The following LIN52 variants were observed in gnomAD, a reference collection of about 807,000 sequenced individuals.
LIN52 encodes the protein protein lin-52 homolog.
In LIN52, 4 loss-of-function variants were observed where a neutral mutation model predicts 18.5. The ratio of observed to expected loss-of-function variants is 0.22; its 90% CI spans 0.11 to 0.49. The LOEUF (loss-of-function observed/expected upper bound fraction) is 0.49. Ranked by LOEUF, LIN52 falls within the 20% of genes least tolerant of loss-of-function variation. The pLI is 0.97. For synonymous variants in LIN52, 34 were observed against 45.5 expected (o/e 0.75, Z 1.02); for missense variants, 102 against 139.5 (o/e 0.73, Z 1.35).
chr14:74,101,975 A>G (rs1595151655), intron 5 of LIN52, among the ~76,000 whole-genome samples: 1 of 151,980 alleles, frequency 6.6e-6, no homozygotes, highest in African/African-American at 2.4e-5. Flanking sequence ...GAGTCTCACT[A>G]TATTGCCCAG....
intron 5 of LIN52, among the ~76,000 whole-genome samples, chr14:74,127,216 G>T (rs1271711113): frequency 1.3e-5 from 2 of 152,186 alleles, no homozygotes; most frequent in Non-Finnish European, 2.9e-5. Context: ...AGTAGATAAG[G>T]CCTTACACAA....
At chr14:74,197,099 C>G (rs1161433905) in intron 5 of LIN52, among the ~76,000 whole-genome samples, 4 of 152,152 alleles carry the variant, frequency 2.6e-5, no homozygotes, top group Admixed American at 2.0e-4. Context: ...ATAAGCAAGG[C>G]ACATTTAAAA....
chr14:74,180,366 C>A (rs1296443880), intron 5 of LIN52, among the ~76,000 whole-genome samples: 2 of 150,312 alleles, frequency 1.3e-5, no homozygotes, highest in Admixed American at 1.3e-4. Flanking sequence ...CCCGGGTTCA[C>A]GCCATTCTCC....
intron 2 of LIN52, among the ~76,000 whole-genome samples, chr14:74,092,885 C>T (rs68123811): frequency 0.11 from 16,942 of 151,530 alleles, 1,247 homozygotes; most frequent in Admixed American, 0.19. Flanking sequence ...CTATTGCACT[C>T]GAGCCTGGGC....
At chr14:74,135,312 G>A (rs1028525695) in intron 5 of LIN52, among the ~76,000 whole-genome samples, 10 of 152,082 alleles carry the variant, frequency 6.6e-5, no homozygotes, top group Non-Finnish European at 2.9e-5. Context: ...TTCTGCCCGC[G>A]TTGGCCTCCC....
At chr14:74,174,272 G>A (rs776840539) in intron 5 of LIN52, among the ~76,000 whole-genome samples, 2 of 152,114 alleles carry the variant, frequency 1.3e-5, no homozygotes, top group Non-Finnish European at 2.9e-5. Flanking sequence ...ACATCATAGT[G>A]TGTTCTTACA....
At chr14:74,194,075 C>T (rs1443609094) in intron 5 of LIN52, among the ~76,000 whole-genome samples, 1 of 152,172 alleles carries the variant, frequency 6.6e-6, no homozygotes, top group East Asian at 1.9e-4. Context: ...GCAATTGCCT[C>T]AAAGTTATAA....
chr14:74,136,188 A>G (rs2061096837), intron 5 of LIN52, among the ~76,000 whole-genome samples: 1 of 152,174 alleles, frequency 6.6e-6, no homozygotes, highest in Non-Finnish European at 1.5e-5. Context: ...TAGGACCTTA[A>G]ATTTTTTTCT....
intron 1 of LIN52, among the ~76,000 whole-genome samples, chr14:74,087,955 A>G (rs543901825): frequency 2.6e-5 from 4 of 152,072 alleles, no homozygotes; most frequent in Admixed American, 6.6e-5. Flanking sequence ...CTCTCACTCT[A>G]TTGCCCATGC....
At chr14:74,097,916 C>A in intron 4 of LIN52, 56 bp downstream of exon 4, 2 of 1,305,120 alleles carry the variant, frequency 1.5e-6, no homozygotes, top group Non-Finnish European at 2.2e-6. Context: ...CCATAGACCA[C>A]CTCTCTATTT....
rs1429963403 is a variant in LIN52, at chr14:74,199,570, C to T, written c.*593C>T. On this transcript the variant is annotated 3_prime_UTR_variant, in exon 6 of 6. Transcript: ENST00000555028. ...AAACTTCTATACCTCTTATGATAGT[C>T]CCATTTGCTTTTCATTCCTTACTTC... 3.3e-5 allele frequency: 5 copies of T among 152,130 alleles called. No individual in the cohort carries two copies. The highest frequency in any genetic ancestry group is 6.5e-5 in the Admixed American group (1 of 15,268). 9.4% of individuals were successfully genotyped at this position (152,130 alleles called of 1,614,324 possible).
chr14:74,098,155 AT>A (rs2060828108), intron 4 of LIN52, among the ~76,000 whole-genome samples: 1 of 152,140 alleles, frequency 6.6e-6, no homozygotes, highest in Non-Finnish European at 1.5e-5. Flanking sequence ...AAATTTTTTC[AT>A]TTAATTCCCA....
chr14:74,196,740 C>T (rs1335757159), intron 5 of LIN52, among the ~76,000 whole-genome samples: 4 of 152,040 alleles, frequency 2.6e-5, no homozygotes, highest in African/African-American at 7.2e-5. Flanking sequence ...ATACTAAGTG[C>T]GAGAGAACTT....
At chr14:74,145,041 G>A (rs1486335119) in intron 5 of LIN52, among the ~76,000 whole-genome samples, 3 of 152,190 alleles carry the variant, frequency 2.0e-5, no homozygotes, top group Non-Finnish European at 4.4e-5. Flanking sequence ...GGGAACCTTT[G>A]TGAAGTGATC....
chr14:74,087,211 C>G (rs552727555), intron 1 of LIN52, among the ~76,000 whole-genome samples: 1 of 151,756 alleles, frequency 6.6e-6, no homozygotes, highest in Non-Finnish European at 1.5e-5. Flanking sequence ...GTCAGGAGAT[C>G]GAGACCATCC....
At chr14:74,179,449 C>T (rs572891585) in intron 5 of LIN52, among the ~76,000 whole-genome samples, 2 of 152,244 alleles carry the variant, frequency 1.3e-5, no homozygotes, top group South Asian at 4.1e-4. Context: ...CATTTGAGGT[C>T]AGGAGTTCGA....
chr14:74,099,707 A>G (rs1362703024), intron 4 of LIN52, among the ~76,000 whole-genome samples: 1 of 151,978 alleles, frequency 6.6e-6, no homozygotes, highest in Non-Finnish European at 1.5e-5. Context: ...TTGGGGGGAC[A>G]GTGAGTTGCT....
chr14:74,150,670 TA>T (rs888768940), intron 5 of LIN52, among the ~76,000 whole-genome samples: 3 of 151,940 alleles, frequency 2.0e-5, no homozygotes, highest in African/African-American at 4.8e-5. Flanking sequence ...TTAAATTAAC[TA>T]AAAAAAATTT....
intron 5 of LIN52, chr14:74,114,503 G>A (rs2060951560): frequency 1.2e-6 from 1 of 800,330 alleles, no homozygotes; most frequent in South Asian, 5.7e-5. Flanking sequence ...TCTGGATGGG[G>A]ATGTTACGGG....
Sources: allele counts gnomAD v4.1 joint callset (sites outside exome capture counted in the v4.1 genomes callset), GRCh38; gene constraint gnomAD v4.1.1; transcripts MANE v1.5; gene names NCBI Gene and HGNC (gene_info 2026-07-23, HGNC 2026-07-21).